HLA-DRB1: variants seen among roughly 807,000 people sequenced by gnomAD.
HLA-DRB1 encodes major histocompatibility complex, class II, DR beta 1.
Under a neutral mutation model 27.9 loss-of-function variants are expected in HLA-DRB1, and 10 were observed. The observed-to-expected ratio is 0.36, with a 90% CI of 0.22 to 0.61. HLA-DRB1 has a LOEUF of 0.61. Ranked by LOEUF, HLA-DRB1 falls within the 20% of genes least tolerant of loss-of-function variation. HLA-DRB1 has a pLI of 0.73. For missense variants in HLA-DRB1, 118 were observed against 306.3 expected (o/e 0.39, Z 4.59); for synonymous variants, 57 against 126.7 (o/e 0.45, Z 3.69).
At chr6:32,586,225 T>G (rs111734989) in intron 1 of HLA-DRB1, among the ~76,000 whole-genome samples, 26,102 of 66,612 alleles carry the variant, frequency 0.39, 6,506 homozygotes, top group Middle Eastern at 0.57. Flanking sequence ...TAGGTTCAGC[T>G]GGCTCCCTGA....
exon 3 of HLA-DRB1, chr6:32,581,791 G>C: frequency 6.5e-7 from 1 of 1,546,616 alleles, no homozygotes; most frequent in South Asian, 1.1e-5. Context: ...AGGTTGTGGT[G>C]CTGCAGGGGC....
intron 1 of HLA-DRB1, among the ~76,000 whole-genome samples, chr6:32,585,765 T>C (rs33980131): frequency 0.29 from 38,663 of 131,296 alleles, 6,847 homozygotes; most frequent in Admixed American, 0.37. Context: ...GGACTTTCTA[T>C]ATGCTCAGAT....
chr6:32,589,131 C>A (rs9270237), intron 1 of HLA-DRB1, among the ~76,000 whole-genome samples: 54,815 of 91,132 alleles, frequency 0.6, 21,672 homozygotes, highest in Middle Eastern at 0.81. Context: ...TGGAGTTCAG[C>A]AAGAAAAGAA....
At chr6:32,585,590 A>G (rs111737038) in intron 1 of HLA-DRB1, among the ~76,000 whole-genome samples, 31,539 of 127,238 alleles carry the variant, frequency 0.25, 2,503 homozygotes, top group Admixed American at 0.29. Context: ...CTTAATTCTA[A>G]AGCAATTAGT....
intron 1 of HLA-DRB1, among the ~76,000 whole-genome samples, chr6:32,587,856 G>C (rs9270166): frequency 0.72 from 96,696 of 135,152 alleles, 36,905 homozygotes; most frequent in Middle Eastern, 0.85. Flanking sequence ...GAGTAGGGAC[G>C]CTCTCTAACT....
chr6:32,586,500 C>A (rs111813052), intron 1 of HLA-DRB1, among the ~76,000 whole-genome samples: 9,155 of 62,856 alleles, frequency 0.15, 23 homozygotes, highest in Middle Eastern at 0.2. Flanking sequence ...ACATGATGTT[C>A]TCTTGGTTTT....
At chr6:32,585,134 A>G (rs879639941) in intron 1 of HLA-DRB1, among the ~76,000 whole-genome samples, 8,925 of 51,148 alleles carry the variant, frequency 0.17, 966 homozygotes, top group Non-Finnish European at 0.19. Context: ...GTTCTTGAAC[A>G]CATGCCCAGA....
rs111927777 is a variant in HLA-DRB1, at chr6:32,586,459, T to C, written c.101-2081A>G. On this transcript the variant is annotated intron_variant, in intron 1 of 5. Transcript: ENST00000360004. ...ACCACAATTGGCCTCTCCCTTCTCC[T>C]TGAAAATAATCTATTTTCCTGGACT... Among the ~76,000 whole-genome samples the C allele has an allele frequency of 4.5e-3, 397 of 88,820 alleles. 2 individuals carry two copies. The highest frequency in any genetic ancestry group is 7.1e-3 in the Middle Eastern group (1 of 140). 58.3% of individuals were successfully genotyped at this position (88,820 alleles called of 152,430 possible). A position where few individuals can be genotyped will look rare whatever the true frequency, so the allele number is the denominator to read the frequency against.
intron 4 of HLA-DRB1, 34 bp downstream of exon 4, chr6:32,580,712 C>T (rs28732280): frequency 0.014 from 21,296 of 1,489,156 alleles, 1,421 homozygotes; most frequent in Admixed American, 0.045. Context: ...CCAGAAAAGC[C>T]TATGGAGAGA....
intron 1 of HLA-DRB1, among the ~76,000 whole-genome samples, chr6:32,589,216 A>T (rs9270248): frequency 2.8e-4 from 34 of 119,912 alleles, no homozygotes; most frequent in South Asian, 1.6e-3. Flanking sequence ...TCCTGTGGGG[A>T]ACCTAACACT....
At chr6:32,579,823 G>GAAAAGTTCTCCAAGTCC (rs1554122881) in intron 5 of HLA-DRB1, among the ~76,000 whole-genome samples, 2 of 40,466 alleles carry the variant, frequency 4.9e-5, no homozygotes, top group Non-Finnish European at 5.1e-5. Flanking sequence ...CCTCTTGTAG[G>GAAAAGTTCTCCAAGTCC]CCGGGCGCGG....
chr6:32,584,285 T>C (rs1303260918), exon 2 of HLA-DRB1: 1 of 1,445,596 alleles, frequency 6.9e-7, no homozygotes, highest in Non-Finnish European at 9.7e-7. Flanking sequence ...GCGCACGGAC[T>C]CCTCCTGGTT....
intron 3 of HLA-DRB1, 135 bp downstream of exon 3, chr6:32,581,422 T>TA (rs1775471039): frequency 5.9e-5 from 26 of 443,020 alleles, no homozygotes; most frequent in Admixed American, 1.8e-4. Flanking sequence ...CTACCCCCAG[T>TA]GACCTGTGCT....
At chr6:32,585,788 CT>C (rs748541408) in intron 1 of HLA-DRB1, among the ~76,000 whole-genome samples, 15,070 of 143,900 alleles carry the variant, frequency 0.1, 1,402 homozygotes, top group Non-Finnish European at 0.12. Flanking sequence ...AAACTGCAAT[CT>C]GATTTCCAGC....
chr6:32,579,188 G>A (rs41287216), intron 5 of HLA-DRB1, 84 bp from the exon 6 acceptor site: 48,058 of 319,220 alleles, frequency 0.15, 11,109 homozygotes, highest in African/African-American at 0.4. Context: ...TCAGATGAGA[G>A]CACTGCAGGA....
intron 1 of HLA-DRB1, among the ~76,000 whole-genome samples, chr6:32,586,453 T>G (rs1160030018): frequency 1.1e-5 from 1 of 89,198 alleles, no homozygotes; most frequent in Non-Finnish European, 2.2e-5. Flanking sequence ...GGCCTCTCCC[T>G]TCTCCTTGAA....
chr6:32,584,610 CCCT>C, intron 1 of HLA-DRB1, among the ~76,000 whole-genome samples: 1 of 136,956 alleles, frequency 7.3e-6, no homozygotes, highest in African/African-American at 2.9e-5. Flanking sequence ...TTTTGGGACC[CCCT>C]CCCTGCCTCC....
chr6:32,587,400 C>T (rs9279742), intron 1 of HLA-DRB1, among the ~76,000 whole-genome samples: 13,964 of 38,016 alleles, frequency 0.37, 6,013 homozygotes, highest in Non-Finnish European at 0.43. Context: ...ATAAAATAAA[C>T]AAACAAATAA....
chr6:32,580,742 T>G lies in HLA-DRB1; in HGVS notation c.763+4A>C. 1.2e-6 allele frequency: 2 copies of G among 1,607,176 alleles called. No individual in the cohort carries two copies. The highest frequency in any genetic ancestry group is 1.4e-5 in the African/African-American group (1 of 73,552). On this transcript the variant is annotated splice_donor_region_variant and intron_variant, in intron 4 of 5. Coordinates refer to ENST00000360004, the Ensembl canonical transcript of HLA-DRB1. ...GAGAGAGCCAGCTCCCAAAGGCTCC[T>G]CACCTTTCTGATTCCTGAAGTAGAT...
Sources: allele counts gnomAD v4.1 joint callset (sites outside exome capture counted in the v4.1 genomes callset), GRCh38; gene constraint gnomAD v4.1.1; transcripts MANE v1.5; gene names NCBI Gene and HGNC (gene_info 2026-07-23, HGNC 2026-07-21).